DENND1A: variants seen among roughly 807,000 people sequenced by gnomAD.
The protein encoded by DENND1A is DENN domain containing 1A, also known as DENN domain-containing protein 1A.
Under a neutral mutation model 113.7 loss-of-function variants are expected in DENND1A, and 51 were observed. The ratio of observed to expected loss-of-function variants is 0.45; its 90% CI spans 0.36 to 0.57. The LOEUF is 0.57. Ranked by LOEUF, DENND1A falls within the 20% of genes least tolerant of loss-of-function variation. The pLI is 0.00. For missense variants in DENND1A, 1,258 were observed against 1,395.9 expected (o/e 0.90, Z 1.57); for synonymous variants, 565 against 570.8 (o/e 0.99, Z 0.14).
intron 2 of DENND1A, among the ~76,000 whole-genome samples, chr9:123,813,957 T>C (rs985363533): frequency 1.3e-5 from 2 of 152,226 alleles, no homozygotes; most frequent in African/African-American, 2.4e-5. Context: ...CTGATACTAC[T>C]GCAATCATCA....
At position 123,730,800 on chromosome 9, in the gene DENND1A, T is replaced by C. The variant is rs532430022; in HGVS notation, c.302+26903A>G. Among the ~76,000 whole-genome samples, 47 of 152,284 alleles carry C rather than the reference T, an allele frequency of 3.1e-4. No individual in the cohort carries two copies. The South Asian group carries it at 9.3e-3, about 30-fold the overall frequency. On this transcript the variant is annotated intron_variant, in intron 5 of 23. Coordinates refer to ENST00000394215, the MANE Select transcript of DENND1A (RefSeq NM_001352964.2). ...TAAATCATTCTACTATAAAGACACA[T>C]GCACACATATATTTATTGCGGCACT...
At chr9:123,459,345 T>C (rs2048365319) in intron 13 of DENND1A, among the ~76,000 whole-genome samples, 1 of 152,220 alleles carries the variant, frequency 6.6e-6, no homozygotes, top group African/African-American at 2.4e-5. Flanking sequence ...GGCCACTGGC[T>C]GTGGGACATA....
In DENND1A at chr9:123,684,860, C is replaced by T. The variant is rs145751431; in HGVS notation, c.303-8071G>A. 5.1e-3 allele frequency among the ~76,000 whole-genome samples: 771 copies of T among 152,286 alleles called. 8 individuals carry two copies. Among genetic ancestry groups the T allele is most frequent in the African/African-American group, 0.017 (718 of 41,554 alleles). On this transcript the variant is annotated intron_variant, in intron 5 of 23. Transcript: ENST00000394215. ...TCTCAGTATCTGGGGAGCTCACAGT[C>T]TAAAGAGGAAAGCAGACACACTGGC...
rs150098654 is a variant in DENND1A at position 123,448,401 on chromosome 9, C to CGGTCTGCA, written c.1356+2284_1356+2291dup. On this transcript the variant is annotated intron_variant, in intron 18 of 23. Transcript: ENST00000394215. ...AGGTAAGGTGATGTCTGTAGCTTAA[C>CGGTCTGCA]GGTCTGCAGAGAGTGGATCTGACCA... Among the ~76,000 whole-genome samples the CGGTCTGCA allele has an allele frequency of 5.6e-3, 852 of 152,308 alleles. 7 individuals carry two copies. Among genetic ancestry groups the CGGTCTGCA allele is most frequent in the African/African-American group, 0.019 (785 of 41,570 alleles).
intron 21 of DENND1A, among the ~76,000 whole-genome samples, chr9:123,389,155 C>T (rs12555392): frequency 0.026 from 3,979 of 152,334 alleles, 237 homozygotes; most frequent in East Asian, 0.17. Flanking sequence ...CGCAGGGGGA[C>T]GGGGCAGGTG....
intron 19 of DENND1A, among the ~76,000 whole-genome samples, chr9:123,423,079 C>T (rs780720530): frequency 1.6e-4 from 25 of 152,312 alleles, no homozygotes; most frequent in South Asian, 4.1e-4. Context: ...AGGGGAGGGG[C>T]GCCCACTCCA....
In DENND1A at chr9:123,926,864, T is replaced by C. The variant is rs1003783465; in HGVS notation, c.17+3025A>G. On this transcript the variant is annotated intron_variant, in intron 1 of 23. Transcript: ENST00000394215. ...CTCAAGAAGTTTATGTCCAGCATGG[T>C]ACGGGACACAGACAAGAAACGAGAT... 5.3e-5 allele frequency among the ~76,000 whole-genome samples: 8 copies of C among 149,750 alleles called. No individual in the cohort carries two copies. In the East Asian group the frequency reaches 1.6e-3, roughly 30 times the overall value.
chr9:123,626,993 A>G (rs943287222), intron 10 of DENND1A, among the ~76,000 whole-genome samples: 4 of 152,144 alleles, frequency 2.6e-5, no homozygotes, highest in African/African-American at 9.7e-5. Context: ...GCCTTGGGTG[A>G]GAAGGAGGGC....
intron 2 of DENND1A, among the ~76,000 whole-genome samples, chr9:123,832,973 T>C (rs748042765): frequency 2.6e-5 from 4 of 151,566 alleles, no homozygotes; most frequent in Middle Eastern, 3.4e-3. Flanking sequence ...ATTAGCCAGG[T>C]TGGGGGTCCG....
chr9:123,765,656 C>T (rs1352753941), intron 4 of DENND1A, among the ~76,000 whole-genome samples: 1 of 152,174 alleles, frequency 6.6e-6, no homozygotes, highest in Non-Finnish European at 1.5e-5. Flanking sequence ...TCATCCAATG[C>T]ATGTCTCAAG....
At chr9:123,888,605 C>T (rs1056576014) in intron 1 of DENND1A, among the ~76,000 whole-genome samples, 7 of 152,204 alleles carry the variant, frequency 4.6e-5, no homozygotes, top group African/African-American at 1.7e-4. Flanking sequence ...CCTGAAGAAA[C>T]ATCAGACAAA....
At position 123,477,390 on chromosome 9, in the gene DENND1A, AT is replaced by A. The variant is rs760921029; in HGVS notation, c.994-19494del. The stretch of plus-strand genomic sequence containing the variant: ...ACAGAGTGAGATCCCATCTCTATAA[AT>A]TTTTTTTTTTTTTTTAATTAGCTGG... On this transcript the variant is annotated intron_variant, in intron 13 of 23. Transcript: ENST00000394215. 6.1e-3 allele frequency among the ~76,000 whole-genome samples: 883 copies of A among 144,806 alleles called. 5 individuals carry two copies. Among genetic ancestry groups the A allele is most frequent in the Middle Eastern group, 0.014 (4 of 284 alleles). The allele number at this position is 144,806 out of a possible 152,430, so 95.0% of individuals were successfully genotyped here.
chr9:123,442,744 A>C (rs1385445540), intron 18 of DENND1A, among the ~76,000 whole-genome samples: 1 of 152,232 alleles, frequency 6.6e-6, no homozygotes, highest in Non-Finnish European at 1.5e-5. Flanking sequence ...TATAAGTAAA[A>C]ATACTATCGT....
At chr9:123,489,419 G>A (rs374859282) in intron 13 of DENND1A, among the ~76,000 whole-genome samples, 6 of 152,178 alleles carry the variant, frequency 3.9e-5, no homozygotes, top group Admixed American at 6.5e-5. Context: ...CTCATCCTTC[G>A]GCAAGAGCAA....
chr9:123,592,406 A>G (rs192092290), intron 11 of DENND1A, among the ~76,000 whole-genome samples: 1 of 152,212 alleles, frequency 6.6e-6, no homozygotes, highest in Non-Finnish European at 1.5e-5. Context: ...TCTGCCAATT[A>G]AAACTGTGCT....
Position 123,824,634 on chromosome 9 carries a change from A to G in DENND1A, c.89-32004T>C, listed in dbSNP as rs554037492. ...GATGTCAAAATAGCTATTTTTCCAA[A>G]TGGGTGTTTATAGAGTTCATCTGAT... On this transcript the variant is annotated intron_variant, in intron 2 of 23. Transcript: ENST00000394215. Among the ~76,000 whole-genome samples, 14 of 152,288 alleles carry G rather than the reference A, an allele frequency of 9.2e-5. No individual in the cohort carries two copies. The South Asian group carries it at 2.7e-3, about 29-fold the overall frequency.
At position 123,721,450 on chromosome 9, in the gene DENND1A, G is replaced by A. The variant is rs538800040; in HGVS notation, c.302+36253C>T. Among the ~76,000 whole-genome samples, 5 of 152,204 alleles carry A rather than the reference G, an allele frequency of 3.3e-5. No homozygotes were observed. In the South Asian group the frequency reaches 1.0e-3, roughly 32 times the overall value. On this transcript the variant is annotated intron_variant, in intron 5 of 23. Coordinates refer to ENST00000394215, the MANE Select transcript of DENND1A (RefSeq NM_001352964.2). Reference sequence around the variant, plus strand: ...CCTGTCCCACCTCCCCATCCACCTGGGTAACATTCTTAGTTGCTCTTCAGG... The same window carrying A: ...CCTGTCCCACCTCCCCATCCACCTGAGTAACATTCTTAGTTGCTCTTCAGG...
At chr9:123,850,475 T>C (rs969474917) in intron 2 of DENND1A, among the ~76,000 whole-genome samples, 2 of 152,264 alleles carry the variant, frequency 1.3e-5, no homozygotes, top group African/African-American at 4.8e-5. Context: ...TTACATGCAT[T>C]GGGACACCAA....
At chr9:123,614,737 A>G (rs2060568894) in intron 10 of DENND1A, among the ~76,000 whole-genome samples, 1 of 152,192 alleles carries the variant, frequency 6.6e-6, no homozygotes. Flanking sequence ...TGGAAAGATC[A>G]CTGTTTACAC....
Sources: gnomAD v4.1 joint callset for allele counts (sites outside exome capture counted in the v4.1 genomes callset) on GRCh38, gnomAD v4.1.1 for gene constraint, MANE v1.5 for transcripts, NCBI Gene and HGNC (gene_info 2026-07-23, HGNC 2026-07-21) for gene names.